The following NCOR1 variants were observed in gnomAD, a reference collection of about 807,000 sequenced individuals.
NCOR1 encodes the protein protein phosphatase 1, regulatory subunit 109.
Under a neutral mutation model 288.1 loss-of-function variants are expected in NCOR1, and 63 were observed. The observed-to-expected ratio is 0.22, with a 90% confidence interval of 0.18 to 0.27. The LOEUF is 0.27. Ranked by LOEUF, NCOR1 falls within the 10% of genes least tolerant of loss-of-function variation. The pLI is 1.00. For synonymous variants in NCOR1, 1,007 were observed against 1,065.9 expected, an observed-to-expected ratio of 0.94 and a Z score of 1.08; for missense variants, 2,397 against 3,019.2, an observed-to-expected ratio of 0.79 and a Z score of 4.83.
intron 21 of NCOR1, 58 bp downstream of exon 21, chr17:16,098,309 T>C: frequency 6.6e-7 from 1 of 1,525,192 alleles, no homozygotes; most frequent in Non-Finnish European, 9.0e-7. Flanking sequence ...AGAAGAAATA[T>C]GTCTATAAAG....
intron 1 of NCOR1, among the ~76,000 whole-genome samples, chr17:16,214,343 T>C (rs759243476): frequency 6.6e-6 from 1 of 152,206 alleles, no homozygotes; most frequent in Non-Finnish European, 1.5e-5. Flanking sequence ...ATTGAACGAA[T>C]GAATGAATCT....
intron 4 of NCOR1, among the ~76,000 whole-genome samples, chr17:16,170,868 CAT>C (rs980546147): frequency 5.4e-5 from 8 of 148,802 alleles, no homozygotes; most frequent in African/African-American, 2.0e-4. Flanking sequence ...AAAAGGTAAA[CAT>C]AGCAATAAAA....
chr17:16,209,948 CA>C (rs561764413), intron 1 of NCOR1, among the ~76,000 whole-genome samples: 53 of 141,554 alleles, frequency 3.7e-4, no homozygotes, highest in Admixed American at 5.7e-4. Context: ...GAGACTCTGT[CA>C]AAAAAAAAAA....
At chr17:16,195,688 G>A (rs139921625) in intron 1 of NCOR1, among the ~76,000 whole-genome samples, 18 of 152,264 alleles carry the variant, frequency 1.2e-4, no homozygotes, top group African/African-American at 3.6e-4. Flanking sequence ...CGCCTTCCCA[G>A]CTATTCTAGC....
At chr17:16,075,876 C>T (rs766771369) in intron 26 of NCOR1, among the ~76,000 whole-genome samples, 174 bp from the exon 27 acceptor site, 6 of 152,182 alleles carry the variant, frequency 3.9e-5, no homozygotes, top group Non-Finnish European at 8.8e-5. Context: ...TGAAGACATC[C>T]TGTACCTTCA....
chr17:16,095,707 A>T (rs60741221), intron 21 of NCOR1, among the ~76,000 whole-genome samples: 3 of 63,184 alleles, frequency 4.7e-5, no homozygotes, highest in African/African-American at 1.3e-4. Flanking sequence ...GAGGTGGGGG[A>T]GTCAGCCCCC....
At chr17:16,177,583 GTTC>G (rs2084468565) in intron 3 of NCOR1, among the ~76,000 whole-genome samples, 2 of 152,038 alleles carry the variant, frequency 1.3e-5, no homozygotes, top group Admixed American at 1.3e-4. Context: ...TCTAAATACT[GTTC>G]TATGGCCCGA....
At chr17:16,040,032 C>T (rs957130851) in intron 43 of NCOR1, 2 of 395,456 alleles carry the variant, frequency 5.1e-6, no homozygotes, top group East Asian at 6.6e-5. Context: ...TCAGGTGATC[C>T]GCCCGCCTTG....
chr17:16,071,289 C>A, intron 30 of NCOR1, 120 bp downstream of exon 30: 14 of 1,362,204 alleles, frequency 1.0e-5, no homozygotes, highest in African/African-American at 2.9e-5. Context: ...GTACAGGAAA[C>A]TTTCATGTTT....
intron 19 of NCOR1, among the ~76,000 whole-genome samples, chr17:16,105,365 C>T (rs1326236139): frequency 2.0e-5 from 3 of 151,904 alleles, no homozygotes; most frequent in African/African-American, 7.3e-5. Flanking sequence ...TGCAGTGAGC[C>T]ACGATCGAGC....
In NCOR1 at chr17:16,080,677, T is replaced by G. The variant is rs757532662; in HGVS notation, c.3228A>C (p.Gln1076His). 1.5e-5 allele frequency: 25 copies of G among 1,614,116 alleles called. No individual in the cohort carries two copies. Among genetic ancestry groups the G allele is most frequent in the Non-Finnish European group, 2.1e-5 (25 of 1,179,990 alleles). Residue 1076 changes from glutamine (Q) to histidine (H), a missense_variant, in exon 24 of 46, where the codon CAA (glutamine) becomes CAC (histidine). Physicochemically the swap from Gln to His is conservative, Grantham distance 24. This residue lies in a region of NCOR1 where 1,872 missense variants were observed against 2,187.8 expected (regional missense o/e 0.86). Transcript: ENST00000268712. ...LTSHNQASYTQETPKPSVGSI... is the reference protein window; with the variant it reads ...LTSHNQASYTHETPKPSVGSI... ...ATCCCACTGACGGCTTGGGTGTTTC[T>G]TGAGTGTAGGAAGCCTGATTATGAG...
chr17:16,145,050 C>T (rs1800493987), intron 10 of NCOR1, among the ~76,000 whole-genome samples: 1 of 152,248 alleles, frequency 6.6e-6, no homozygotes, highest in African/African-American at 2.4e-5. Flanking sequence ...CAGGTGCACG[C>T]CACCACGCCT....
At chr17:16,043,586 A>G (rs1232599974) in intron 42 of NCOR1, among the ~76,000 whole-genome samples, 1 of 152,246 alleles carries the variant, frequency 6.6e-6, no homozygotes, top group Non-Finnish European at 1.5e-5. Context: ...AGAAAAAACT[A>G]TAAAGTAGGC....
Position 16,127,240 on chromosome 17 carries a change from T to TATAC in NCOR1, c.1510-1035_1510-1034insGTAT, listed in dbSNP as rs2074318897. Among the ~76,000 whole-genome samples the TATAC allele has an allele frequency of 1.4e-5, 2 of 141,848 alleles. 1 individual carries two copies. Among genetic ancestry groups the TATAC allele is most frequent in the African/African-American group, 5.7e-5 (2 of 35,228 alleles). The allele number at this position is 141,848 out of a possible 152,430, so 93.1% of individuals were successfully genotyped here. ...GTATGTATATATACATGTATGCATA[T>TATAC]ATGTATGTATATATGTGTGTGTATA... is the stretch of plus-strand genomic sequence containing the variant. On this transcript the variant is annotated intron_variant, in intron 14 of 45. Transcript: ENST00000268712.
At chr17:16,147,385 G>A (rs1285423265) in intron 9 of NCOR1, among the ~76,000 whole-genome samples, 1 of 148,422 alleles carries the variant, frequency 6.7e-6, no homozygotes, top group Non-Finnish European at 1.5e-5. Flanking sequence ...CTCCAACCTG[G>A]GCAACAGACA....
In NCOR1 at chr17:16,140,138, C is replaced by T. The variant is rs143842675; in HGVS notation, c.1174-952G>A. Among the ~76,000 whole-genome samples the T allele has an allele frequency of 6.8e-3, 1,040 of 151,974 alleles. 8 individuals are homozygous for T. The highest frequency in any genetic ancestry group is 0.01 in the Non-Finnish European group (706 of 67,990). On this transcript the variant is annotated intron_variant, in intron 11 of 45. Coordinates refer to ENST00000268712, the MANE Select transcript of NCOR1 (RefSeq NM_006311.4). The stretch of plus-strand genomic sequence containing the variant: ...TTACTCATCATTGTAGAAATAATGG[C>T]TACATATTCCAAGGGCTGAATGTCA...
rs1193408993 is a variant in NCOR1 at position 16,061,389 on chromosome 17, T to C, written c.5881+12A>G. 1 of 1,605,342 alleles carries C rather than the reference T, an allele frequency of 6.2e-7. No individual in the cohort carries two copies. The highest frequency in any genetic ancestry group is 8.5e-7 in the Non-Finnish European group (1 of 1,174,210). On this transcript the variant is annotated intron_variant, in intron 37 of 45. Coordinates refer to ENST00000268712, the MANE Select transcript of NCOR1 (RefSeq NM_006311.4). ...AGACATCACATTGTGAAACTCGGAT[T>C]GAGATACATACAGCTACTAGAAGAG...
At position 16,101,267 on chromosome 17, in the gene NCOR1, T is replaced by C; in HGVS notation, c.2673A>G (p.Gly891=). 6.3e-7 allele frequency: 1 copy of C among 1,597,996 alleles called. No individual in the cohort carries two copies. The highest frequency in any genetic ancestry group is 2.2e-5 in the East Asian group (1 of 44,792). ...AGCCTCACCTCTGCCTCTCTGGCTC[T>C]CCATCCACATCCTCATCAGCGCTGC... is the stretch of plus-strand genomic sequence containing the variant. ...ATCSADEDVD[G]EPERQRMFPM... The change falls in exon 20 of 46, where the codon GGA becomes GGG. Residue 891 remains glycine (G), a synonymous_variant. Transcript: ENST00000268712.
At chr17:16,080,343 T>A in intron 25 of NCOR1, 65 bp downstream of exon 25, 1 of 1,275,902 alleles carries the variant, frequency 7.8e-7, no homozygotes, top group Non-Finnish European at 1.1e-6. Context: ...AATATATTAA[T>A]AACTTACTTT....
Sources: allele counts gnomAD v4.1 joint callset (sites outside exome capture counted in the v4.1 genomes callset), GRCh38; gene constraint gnomAD v4.1.1; regional missense constraint gnomAD v4.1.1; transcripts MANE v1.5; gene names NCBI Gene and HGNC (gene_info 2026-07-23, HGNC 2026-07-21).